Variants in TAS2R1 observed in about 807,000 individuals in gnomAD.
TAS2R1 encodes the protein taste 2 receptor member 1.
For synonymous variants in TAS2R1, 141 were observed against 134.2 expected (o/e 1.05, Z -0.35); for missense variants, 370 against 353.4 (o/e 1.05, Z -0.38).
intron 1 of TAS2R1, among the ~76,000 whole-genome samples, chr5:9,695,205 A>C (rs1205773685): frequency 6.6e-6 from 1 of 152,228 alleles, no homozygotes; most frequent in African/African-American, 2.4e-5. Flanking sequence ...TGTTCTGACT[A>C]TAATTAGTAA....
In TAS2R1 at chr5:9,629,620, G is replaced by C. The variant is rs751278909; in HGVS notation, c.413C>G (p.Ser138Cys). The C allele has an allele frequency of 9.3e-6, 15 of 1,614,120 alleles. No homozygotes were observed. The highest frequency in any genetic ancestry group is 1.3e-5 in the African/African-American group (1 of 75,012). The change falls in exon 1 of 1, where the codon TCT (serine) becomes TGT (cysteine). Residue 138 changes from serine (S) to cysteine (C), a missense_variant. Physicochemically the swap from Ser to Cys is moderately radical, Grantham distance 112. Transcript: ENST00000382492. ...TTTGCTATGGAAAACACAAATCATA[G>C]ATACATATAGCAGAGACCCCAGGAT... ...WMILGSLLYV[S>C]MICVFHSKYA... is the part of the protein sequence containing the mutation.
At chr5:9,745,832 A>G in the TAS2R1 span, among the ~76,000 whole-genome samples, 1 of 152,236 alleles carries the variant, frequency 6.6e-6, no homozygotes, top group African/African-American at 2.4e-5. Flanking sequence ...AAAGCTAGGC[A>G]ATATCATTCA....
chr5:9,791,062 C>T, the TAS2R1 span, among the ~76,000 whole-genome samples: 1 of 152,240 alleles, frequency 6.6e-6, no homozygotes, highest in East Asian at 1.9e-4. Flanking sequence ...AATCTTGAGC[C>T]CCAACCAAGA....
the TAS2R1 span, among the ~76,000 whole-genome samples, chr5:9,731,616 T>C: frequency 6.6e-6 from 1 of 152,226 alleles, no homozygotes; most frequent in African/African-American, 2.4e-5. Context: ...CAGCACTCCT[T>C]ACTTAATAAA....
chr5:9,813,597 T>C, the TAS2R1 span, among the ~76,000 whole-genome samples: 8,427 of 152,236 alleles, frequency 0.055, 238 homozygotes, highest in East Asian at 0.11. Flanking sequence ...AAAGAAAGGT[T>C]TGTTTGTTCT....
the TAS2R1 span, among the ~76,000 whole-genome samples, chr5:9,893,842 A>G: frequency 6.6e-6 from 1 of 152,200 alleles, no homozygotes; most frequent in African/African-American, 2.4e-5. Flanking sequence ...CTACCTTTAA[A>G]GACTGCTCAG....
the TAS2R1 span, among the ~76,000 whole-genome samples, chr5:9,782,390 C>A: frequency 6.8e-6 from 1 of 147,226 alleles, no homozygotes; most frequent in Non-Finnish European, 1.5e-5. Context: ...CTCCACTCTG[C>A]CTTTTCCCCT....
At chr5:9,648,012 GA>G (rs1292329414) in intron 2 of TAS2R1, among the ~76,000 whole-genome samples, 1 of 152,052 alleles carries the variant, frequency 6.6e-6, no homozygotes, top group African/African-American at 2.4e-5. Context: ...ACATAACCAT[GA>G]AAAAAGTACT....
At chr5:9,669,932 C>CA (rs199791347) in intron 1 of TAS2R1, among the ~76,000 whole-genome samples, 1,657 of 151,526 alleles carry the variant, frequency 0.011, 19 homozygotes, top group African/African-American at 0.038. Context: ...AATTGAGACA[C>CA]AAAAAAACAT....
chr5:9,790,626 A>G, the TAS2R1 span, among the ~76,000 whole-genome samples: 1 of 152,100 alleles, frequency 6.6e-6, no homozygotes, highest in South Asian at 2.1e-4. Context: ...TGTGTGTAAA[A>G]TAAGAATTTT....
At chr5:9,768,646 C>A in the TAS2R1 span, among the ~76,000 whole-genome samples, 1 of 152,186 alleles carries the variant, frequency 6.6e-6, no homozygotes, top group African/African-American at 2.4e-5. Flanking sequence ...TTTCTTTGGC[C>A]AGTGCCCTCA....
At chr5:9,840,563 T>C in the TAS2R1 span, among the ~76,000 whole-genome samples, 27 of 152,316 alleles carry the variant, frequency 1.8e-4, 1 homozygote, top group East Asian at 3.9e-3. Context: ...CTTATGTTTT[T>C]TGAATTGTTG....
the TAS2R1 span, among the ~76,000 whole-genome samples, chr5:9,852,607 G>C: frequency 6.6e-6 from 1 of 152,056 alleles, no homozygotes; most frequent in Non-Finnish European, 1.5e-5. Flanking sequence ...CTGTGCACAC[G>C]TGTTAAGCAA....
chr5:9,731,007 T>C, the TAS2R1 span, among the ~76,000 whole-genome samples: 1 of 152,168 alleles, frequency 6.6e-6, no homozygotes, highest in Non-Finnish European at 1.5e-5. Context: ...GTTTCAGGTA[T>C]GCCTTTATCA....
chr5:9,795,389 A>C, the TAS2R1 span, among the ~76,000 whole-genome samples: 1 of 152,280 alleles, frequency 6.6e-6, no homozygotes, highest in South Asian at 2.1e-4. Flanking sequence ...CTTGAACACA[A>C]AAAGGGCCCA....
At chr5:9,756,658 G>A in the TAS2R1 span, among the ~76,000 whole-genome samples, 1 of 152,164 alleles carries the variant, frequency 6.6e-6, no homozygotes, top group Non-Finnish European at 1.5e-5. Flanking sequence ...GTGAGTGGTT[G>A]GGGGCCTTTG....
chr5:9,790,099 A>G, the TAS2R1 span, among the ~76,000 whole-genome samples: 2 of 152,238 alleles, frequency 1.3e-5, no homozygotes, highest in Non-Finnish European at 2.9e-5. Flanking sequence ...CTCACATGCA[A>G]TGCACAAAGG....
At chr5:9,853,326 T>C in the TAS2R1 span, among the ~76,000 whole-genome samples, 2 of 152,216 alleles carry the variant, frequency 1.3e-5, no homozygotes, top group Non-Finnish European at 2.9e-5. Flanking sequence ...GAGCAGCAGC[T>C]CAGGCACAGC....
the TAS2R1 span, among the ~76,000 whole-genome samples, chr5:9,871,577 G>A: frequency 6.6e-6 from 1 of 152,190 alleles, no homozygotes; most frequent in Non-Finnish European, 1.5e-5. Context: ...GCACACACTC[G>A]GATGGGGGAA....
Sources: allele counts gnomAD v4.1 joint callset (sites outside exome capture counted in the v4.1 genomes callset), GRCh38; gene constraint gnomAD v4.1.1; transcripts MANE v1.5; gene names NCBI Gene and HGNC (gene_info 2026-07-23, HGNC 2026-07-21).